Variants in MESD observed in about 807,000 individuals in gnomAD.
MESD encodes the protein LRP chaperone MESD.
Under a neutral mutation model 12.9 loss-of-function variants are expected in MESD, and 7 were observed. The observed-to-expected ratio is 0.54, with a 90% confidence interval of 0.31 to 1.02. MESD has a LOEUF of 1.02. Among genes scored for constraint, MESD ranks in the 50% least tolerant of loss-of-function variants. The pLI is 0.05. For synonymous variants in MESD, 126 were observed against 115.6 expected, an observed-to-expected ratio of 1.09 and a Z score of -0.58; for missense variants, 342 against 296.7, an observed-to-expected ratio of 1.15 and a Z score of -1.12.
At chr15:80,959,885 G>A (rs967010888) in intron 3 of MESD, among the ~76,000 whole-genome samples, 34 of 152,230 alleles carry the variant, frequency 2.2e-4, no homozygotes, top group African/African-American at 7.7e-4. Flanking sequence ...GCGGTGGGTG[G>A]GAGAAGCCCT....
At chr15:80,969,372 T>C (rs1193248758) in intron 3 of MESD, among the ~76,000 whole-genome samples, 1 of 152,098 alleles carries the variant, frequency 6.6e-6, no homozygotes, top group Non-Finnish European at 1.5e-5. Context: ...TTGCCTGCCT[T>C]GCTATCTTTA....
chr15:80,955,611 T>TTG (rs1363933477), intron 3 of MESD, among the ~76,000 whole-genome samples: 1 of 141,108 alleles, frequency 7.1e-6, no homozygotes, highest in Non-Finnish European at 1.6e-5. Context: ...AAGTGTGTGT[T>TTG]TGTGCGTGTG....
At chr15:80,987,491 CTTT>C (rs11337726) in intron 1 of MESD, among the ~76,000 whole-genome samples, 5 of 143,488 alleles carry the variant, frequency 3.5e-5, no homozygotes, top group African/African-American at 7.7e-5. Context: ...CAAAATCTGT[CTTT>C]TTTTTTTTTT....
exon 5 of MESD, chr15:80,948,455 T>C: frequency 1.6e-5 from 6 of 375,532 alleles, no homozygotes; most frequent in South Asian, 1.3e-4. Flanking sequence ...AGGGACTTGC[T>C]GGTTGTCCTA....
rs200354450 is a variant in MESD at position 80,956,997 on chromosome 15, TA to T, written c.*289-4702del. On this transcript the variant is annotated intron_variant, in intron 3 of 4. Coordinates refer to the MESD transcript ENST00000561312. Reference sequence around the variant, plus strand: ...ATGCCCAGCTATTTATTTATTTATTTATTTTTTTGTAGAGATGGGGTCTCAC... The same window carrying T: ...ATGCCCAGCTATTTATTTATTTATTTTTTTTTTGTAGAGATGGGGTCTCAC... Among the ~76,000 whole-genome samples the T allele has an allele frequency of 3.6e-3, 550 of 151,936 alleles. 7 individuals carry two copies. Among genetic ancestry groups the T allele is most frequent in the African/African-American group, 0.012 (503 of 41,398 alleles).
At position 80,976,585 on chromosome 15, in the gene MESD, T is replaced by C. The variant is rs1902423388; in HGVS notation, c.*2634A>G. 6.6e-6 allele frequency: 1 copy of C among 152,212 alleles called. No individual in the cohort carries two copies. The highest frequency in any genetic ancestry group is 1.5e-5 in the Non-Finnish European group (1 of 68,074). The allele number at this position is 152,212 out of a possible 1,614,324, so 9.4% of individuals were successfully genotyped here. ...TTACAATCTATTAAACTGGTAAATG[T>C]GATGCCCAAGGCTGGCAAGGATAGA... On this transcript the variant is annotated 3_prime_UTR_variant, in exon 3 of 3. Coordinates refer to ENST00000261758, the MANE Select transcript of MESD (RefSeq NM_015154.3).
intron 3 of MESD, among the ~76,000 whole-genome samples, chr15:80,968,109 T>A (rs557568902): frequency 7.2e-5 from 11 of 152,246 alleles, no homozygotes; most frequent in Non-Finnish European, 1.5e-4. Flanking sequence ...TGCAGACCGC[T>A]TGGACTCTGG....
In MESD at chr15:80,979,404, A is replaced by C; in HGVS notation, c.520T>G (p.Leu174Val). 1.2e-6 allele frequency: 2 copies of C among 1,614,132 alleles called. No individual in the cohort carries two copies. The highest frequency in any genetic ancestry group is 1.7e-6 in the Non-Finnish European group (2 of 1,180,022). Residue 174 changes from leucine to valine, a missense_variant, in exon 3 of 3, where the codon TTG becomes GTG. Leu to Val is a conservative substitution (Grantham distance 32). Transcript: ENST00000261758. ...GSYAWEIKDFLVGQDRCADVT... is the reference protein window; with the variant it reads ...GSYAWEIKDFVVGQDRCADVT... ...TCAGCACACCTGTCTTGACCGACCAAAAAGTCCTTGATCTCCCAGGCGTAG... is the reference window on the plus strand; with the variant it reads ...TCAGCACACCTGTCTTGACCGACCACAAAGTCCTTGATCTCCCAGGCGTAG...
chr15:80,983,983 C>T (rs1198852856), intron 1 of MESD, among the ~76,000 whole-genome samples: 3 of 145,886 alleles, frequency 2.1e-5, no homozygotes, highest in African/African-American at 7.7e-5. Flanking sequence ...TCACTGCAAC[C>T]TCTGCCTCCT....
At chr15:80,981,455 A>T (rs1285155075) in intron 2 of MESD, among the ~76,000 whole-genome samples, 1 of 150,910 alleles carries the variant, frequency 6.6e-6, no homozygotes, top group East Asian at 2.0e-4. Context: ...AAAAAAAAAA[A>T]ACAAACTAGA....
exon 4 of MESD, chr15:80,952,145 T>C (rs1901855040): frequency 2.2e-6 from 1 of 455,444 alleles, no homozygotes; most frequent in Admixed American, 2.4e-5. Flanking sequence ...AGGACTCTCT[T>C]TTCCTCCCAG....
intron 1 of MESD, among the ~76,000 whole-genome samples, 158 bp from the exon 2 acceptor site, chr15:80,982,340 A>G (rs1902604695): frequency 1.3e-5 from 2 of 152,172 alleles, no homozygotes; most frequent in Non-Finnish European, 2.9e-5. Context: ...TTAACTTTCA[A>G]GATAGTCTAA....
chr15:80,971,213 C>A (rs1902281225), downstream of MESD, among the ~76,000 whole-genome samples: 1 of 152,184 alleles, frequency 6.6e-6, no homozygotes, highest in African/African-American at 2.4e-5. Flanking sequence ...GCTTTCAGCT[C>A]CAAGCCCTGG....
At chr15:80,984,837 C>T (rs914102018) in intron 1 of MESD, among the ~76,000 whole-genome samples, 1 of 152,126 alleles carries the variant, frequency 6.6e-6, no homozygotes, top group Non-Finnish European at 1.5e-5. Flanking sequence ...AGGGCCAAGG[C>T]TTAAGATACC....
chr15:80,959,290 C>T (rs1362795503), intron 3 of MESD, among the ~76,000 whole-genome samples: 1 of 152,174 alleles, frequency 6.6e-6, no homozygotes, highest in East Asian at 1.9e-4. Flanking sequence ...CTGGAGCTGC[C>T]GCAGTGCCTG....
In MESD at chr15:80,989,652, G is replaced by A. The variant is rs776280664; in HGVS notation, c.140C>T (p.Pro47Leu). The A allele has an allele frequency of 1.2e-6, 2 of 1,613,940 alleles. No homozygotes were observed. Among genetic ancestry groups the A allele is most frequent in the Non-Finnish European group, 1.7e-6 (2 of 1,180,028 alleles). Residue 47 changes from proline to leucine, a missense_variant, in exon 1 of 3, where the codon CCT (proline) becomes CTT (leucine). Coordinates refer to ENST00000261758, the MANE Select transcript of MESD (RefSeq NM_015154.3). ...SPGTPDESTP[P>L]PRKKKKDIRD... ...AATATCCTTCTTCTTCTTCCGGGGA[G>A]GTGGGGTAGACTCGTCGGGCGTCCC...
At chr15:80,952,891 GCA>G in intron 3 of MESD, 2 of 449,678 alleles carry the variant, frequency 4.4e-6, no homozygotes, top group Non-Finnish European at 8.9e-6. Context: ...CAGGCACGGT[GCA>G]CACAGAGGAA....
At chr15:80,989,527 G>T in intron 1 of MESD, 52 bp downstream of exon 1, 1 of 1,575,392 alleles carries the variant, frequency 6.3e-7, no homozygotes, top group South Asian at 1.1e-5. Flanking sequence ...GGGTCATAGG[G>T]AACAGGGTCC....
At chr15:80,961,818 C>T (rs1902091723) in intron 3 of MESD, among the ~76,000 whole-genome samples, 1 of 152,194 alleles carries the variant, frequency 6.6e-6, no homozygotes, top group Non-Finnish European at 1.5e-5. Flanking sequence ...CCAGGCCTGC[C>T]TTACAAGAGC....
Sources: allele counts gnomAD v4.1 joint callset (sites outside exome capture counted in the v4.1 genomes callset), GRCh38; gene constraint gnomAD v4.1.1; transcripts MANE v1.5; gene names NCBI Gene and HGNC (gene_info 2026-07-23, HGNC 2026-07-21).